Variants in AGAP1 observed in about 807,000 individuals in gnomAD.
AGAP1 encodes the protein arf-GAP with GTPase, ANK repeat and PH domain-containing protein 1.
AGAP1 carries 29 observed loss-of-function variants against 105.3 expected under a neutral mutation model. The observed-to-expected ratio is 0.28, with a 90% CI of 0.21 to 0.38. The LOEUF (loss-of-function observed/expected upper bound fraction) is 0.38. AGAP1 is among the 10% of genes least tolerant of loss of function. The pLI, the probability that AGAP1 is intolerant of heterozygous loss-of-function variation, is 1.00. For missense variants in AGAP1, 998 were observed against 1,165.1 expected (o/e 0.86, Z 2.09); for synonymous variants, 509 against 485.9 (o/e 1.05, Z -0.63).
chr2:235,797,935 T>G (rs1225128922), intron 7 of AGAP1, 49 bp downstream of exon 7: 2 of 1,598,656 alleles, frequency 1.3e-6, no homozygotes, highest in Non-Finnish European at 1.7e-6. Context: ...AAAGACAATA[T>G]GCAAATAGTG....
In AGAP1 at chr2:235,750,623, C is replaced by T. The variant is rs1321020143; in HGVS notation, c.673+135C>T. The stretch of plus-strand genomic sequence containing the variant: ...GATGGGTGGGCATTAGTATCGAGAG[C>T]AGTCCATTCCAGAGGCAATTCTCAG... On this transcript the variant is annotated intron_variant, in intron 6 of 17. Transcript: ENST00000304032. The surrounding 1 kb of genome is among the most constrained non-coding windows in gnomAD (Gnocchi z 5.3). 1.6e-6 allele frequency: 2 copies of T among 1,264,942 alleles called. No homozygotes were observed. Among genetic ancestry groups the T allele is most frequent in the Non-Finnish European group, 2.2e-6 (2 of 892,752 alleles). The allele number at this position is 1,264,942 out of a possible 1,614,324, so 78.4% of individuals were successfully genotyped here.
Position 235,979,622 on chromosome 2 carries a change from T to G in AGAP1, c.1645+10999T>G, listed in dbSNP as rs1478491293. ...GCGCAGCGAACGTTCCGGCAGGCAT[T>G]GCCGTGCACGGACACACAACTTCAC... On this transcript the variant is annotated intron_variant, in intron 13 of 17. Coordinates refer to ENST00000304032, the MANE Select transcript of AGAP1 (RefSeq NM_001037131.3). This position sits in a 1 kb window ranked among gnomAD's most constrained non-coding sequence, Gnocchi z 4.5. Among the ~76,000 whole-genome samples the G allele has an allele frequency of 6.6e-6, 1 of 152,168 alleles. No individual in the cohort carries two copies. Among genetic ancestry groups the G allele is most frequent in the Non-Finnish European group, 1.5e-5 (1 of 68,028 alleles).
intron 9 of AGAP1, among the ~76,000 whole-genome samples, chr2:235,826,191 A>C (rs548680425): frequency 6.6e-6 from 1 of 152,196 alleles, no homozygotes; most frequent in Non-Finnish European, 1.5e-5. Context: ...GAGCGTTGGC[A>C]TGCTCTTTAT....
chr2:236,018,714 A>G (rs72991164), intron 13 of AGAP1, among the ~76,000 whole-genome samples: 1 of 152,182 alleles, frequency 6.6e-6, no homozygotes, highest in African/African-American at 2.4e-5. Flanking sequence ...ATAGGTGATG[A>G]CACTTGCATC....
At chr2:235,808,591 C>G (rs1957963914) in intron 9 of AGAP1, among the ~76,000 whole-genome samples, 1 of 152,198 alleles carries the variant, frequency 6.6e-6, no homozygotes, top group African/African-American at 2.4e-5. Flanking sequence ...AACCACACCT[C>G]TGCCCACAGC....
rs1575205989 is a variant in AGAP1 at position 235,714,352 on chromosome 2, T to C, written c.223-3205T>C. The stretch of plus-strand genomic sequence containing the variant: ...TTCAACATATGAGTTTGGCTGGGAG[T>C]GTGGGGGTAGGACGGGGAAGCACAA... On this transcript the variant is annotated intron_variant, in intron 2 of 17. Transcript: ENST00000304032. This position sits in a 1 kb window ranked among gnomAD's most constrained non-coding sequence, Gnocchi z 4.1. Among the ~76,000 whole-genome samples, 1 of 151,276 alleles carries C rather than the reference T, an allele frequency of 6.6e-6. No individual in the cohort carries two copies. The highest frequency in any genetic ancestry group is 6.6e-5 in the Admixed American group (1 of 15,166).
At chr2:235,933,597 A>G (rs1430539674) in intron 12 of AGAP1, among the ~76,000 whole-genome samples, 3 of 147,516 alleles carry the variant, frequency 2.0e-5, no homozygotes, top group African/African-American at 5.0e-5. Context: ...CAGTGGCGCG[A>G]CCCCGGCTCA....
intron 1 of AGAP1, among the ~76,000 whole-genome samples, chr2:235,522,913 A>G (rs1480571901): frequency 6.6e-6 from 1 of 152,216 alleles, no homozygotes; most frequent in African/African-American, 2.4e-5. Flanking sequence ...GGCAGTTGGC[A>G]TGGTGGATGT....
intron 1 of AGAP1, among the ~76,000 whole-genome samples, chr2:235,545,364 C>T (rs1943589635): frequency 6.6e-6 from 1 of 152,180 alleles, no homozygotes; most frequent in East Asian, 1.9e-4. Context: ...TTAGAAGGTT[C>T]AGGAGAACAG....
chr2:235,793,765 T>C lies in AGAP1; in HGVS notation c.674-3994T>C, dbSNP rs1248416311. Among the ~76,000 whole-genome samples the C allele has an allele frequency of 6.6e-6, 1 of 152,122 alleles. No homozygotes were observed. On this transcript the variant is annotated intron_variant, in intron 6 of 17. Coordinates refer to ENST00000304032, the MANE Select transcript of AGAP1 (RefSeq NM_001037131.3). This position sits in a 1 kb window ranked among gnomAD's most constrained non-coding sequence, Gnocchi z 5.3. ...CTATTCCTTGCCTCATTTTGTGTGA[T>C]TTAGAAACAAGATGGAAGTAGAAAT... is the stretch of plus-strand genomic sequence containing the variant.
rs369039927 is a variant in AGAP1 at position 235,840,728 on chromosome 2, G to C, written c.1050+33397G>C. On this transcript the variant is annotated intron_variant, in intron 9 of 17. Transcript: ENST00000304032. ...GAAAGTAGAATAGATAGGACCGATG[G>C]ACAGGTTGATTCGATGTGGAGGATG... is the stretch of plus-strand genomic sequence containing the variant. 5.3e-5 allele frequency among the ~76,000 whole-genome samples: 8 copies of C among 152,028 alleles called. No homozygotes were observed. The East Asian group carries it at 9.8e-4, about 19-fold the overall frequency.
intron 1 of AGAP1, among the ~76,000 whole-genome samples, chr2:235,676,301 T>TAGTG (rs1447852482): frequency 6.6e-6 from 1 of 152,256 alleles, no homozygotes; most frequent in African/African-American, 2.4e-5. Context: ...CACTTCTAAC[T>TAGTG]AGTGAGTCCT....
intron 11 of AGAP1, among the ~76,000 whole-genome samples, chr2:235,915,071 C>T (rs1331646546): frequency 4.6e-5 from 7 of 152,098 alleles, no homozygotes; most frequent in Non-Finnish European, 1.0e-4. Context: ...GCCCCCCACA[C>T]GGTAGGTCTA....
chr2:235,509,616 G>A (rs1308051678), intron 1 of AGAP1, among the ~76,000 whole-genome samples: 1 of 152,068 alleles, frequency 6.6e-6, no homozygotes. Flanking sequence ...TACAACTGAG[G>A]TATGGAAGGC....
chr2:236,089,555 C>CATAT lies in AGAP1; in HGVS notation c.2115-30635_2115-30632dup, dbSNP rs2059009535. Among the ~76,000 whole-genome samples the CATAT allele has an allele frequency of 6.6e-6, 1 of 152,214 alleles. No homozygotes were observed. Among genetic ancestry groups the CATAT allele is most frequent in the Admixed American group, 6.5e-5 (1 of 15,284 alleles). Reference sequence around the variant, plus strand: ...CCAAAGTCTGGAACGAATCTGGTTCCATATAGAGTTCATGCTCACCCCGAA... The same window carrying CATAT: ...CCAAAGTCTGGAACGAATCTGGTTCCATATATATAGAGTTCATGCTCACCCCGAA... On this transcript the variant is annotated intron_variant, in intron 16 of 17. Coordinates refer to ENST00000304032, the MANE Select transcript of AGAP1 (RefSeq NM_001037131.3). This position sits in a 1 kb window ranked among gnomAD's most constrained non-coding sequence, Gnocchi z 5.6.
At chr2:235,871,525 C>G (rs529201621) in intron 9 of AGAP1, among the ~76,000 whole-genome samples, 1 of 152,256 alleles carries the variant, frequency 6.6e-6, no homozygotes, top group Non-Finnish European at 1.5e-5. Context: ...ACAACTTCCA[C>G]TCATGCTTCT....
chr2:235,942,829 C>T (rs116153299), intron 12 of AGAP1, among the ~76,000 whole-genome samples: 115 of 152,204 alleles, frequency 7.6e-4, no homozygotes, highest in African/African-American at 2.6e-3. Context: ...AGCATCTTGA[C>T]TATCCTAGCT....
chr2:235,896,206 G>A (rs2050800614), intron 10 of AGAP1, among the ~76,000 whole-genome samples: 1 of 152,180 alleles, frequency 6.6e-6, no homozygotes, highest in Non-Finnish European at 1.5e-5. Context: ...TATGCTGTTT[G>A]TCTTTTTATG....
chr2:235,826,480 T>C (rs115461880), intron 9 of AGAP1, among the ~76,000 whole-genome samples: 4,820 of 152,164 alleles, frequency 0.032, 167 homozygotes, highest in South Asian at 0.087. Context: ...AGAGTCTTGC[T>C]GCTCTGTCAC....
Sources: allele counts gnomAD v4.1 joint callset (sites outside exome capture counted in the v4.1 genomes callset), GRCh38; gene constraint gnomAD v4.1.1; non-coding constraint Gnocchi (gnomAD v3.1); transcripts MANE v1.5; gene names NCBI Gene and HGNC (gene_info 2026-07-23, HGNC 2026-07-21).